Variants in PM20D1 observed in about 807,000 individuals in gnomAD.
PM20D1 encodes N-fatty-acyl-amino acid synthase/hydrolase PM20D1.
A neutral mutation model predicts 53.8 loss-of-function variants in PM20D1; 53 were observed. The ratio of observed to expected loss-of-function variants is 0.98; its 90% CI spans 0.79 to 1.24. PM20D1 has a LOEUF of 1.24. Ranked by LOEUF, PM20D1 falls within the 50% of genes most tolerant of loss-of-function variation. The probability of loss-of-function intolerance (pLI) is 0.00; values close to 1 mark genes in which losing one functional copy is unlikely to be tolerated. For missense variants in PM20D1, 564 were observed against 616.8 expected (o/e 0.91, Z 0.91); for synonymous variants, 239 against 241.3 (o/e 0.99, Z 0.09).
intron 11 of PM20D1, among the ~76,000 whole-genome samples, chr1:205,831,743 T>C (rs1017719934): frequency 5.9e-5 from 9 of 152,024 alleles, no homozygotes; most frequent in African/African-American, 2.2e-4. Context: ...TTTGTATTTT[T>C]AGTAGAGACG....
intron 2 of PM20D1, among the ~76,000 whole-genome samples, chr1:205,846,820 A>G (rs1032640168): frequency 1.3e-5 from 2 of 152,010 alleles, no homozygotes; most frequent in African/African-American, 4.8e-5. Flanking sequence ...TGGATACCCG[A>G]AAACCGAAGA....
chr1:205,844,865 G>C lies in PM20D1; in HGVS notation c.522C>G (p.Ile174Met). ...ALLQALELLL[I>M]RKYIPRRSFF... The stretch of plus-strand genomic sequence containing the variant: ...AAGATCTTCGGGGGATGTACTTCCT[G>C]ATCAGCAGGAGCTCCAAGGCCTGCA... The change falls in exon 4 of 13, where the codon ATC (isoleucine) becomes ATG (methionine). Residue 174 changes from isoleucine (I) to methionine (M), a missense_variant. Ile to Met is a conservative substitution (Grantham distance 10, BLOSUM62 1). Transcript: ENST00000367136. 3 of 1,613,942 alleles carry C rather than the reference G, an allele frequency of 1.9e-6. No individual in the cohort carries two copies. The highest frequency in any genetic ancestry group is 2.5e-6 in the Non-Finnish European group (3 of 1,179,994).
At chr1:205,841,700 G>A in intron 9 of PM20D1, 111 bp downstream of exon 9, 1 of 1,138,392 alleles carries the variant, frequency 8.8e-7, no homozygotes, top group Non-Finnish European at 1.3e-6. Flanking sequence ...GGCTAGGCTT[G>A]GATCCAGCTG....
intron 2 of PM20D1, among the ~76,000 whole-genome samples, chr1:205,846,205 G>C (rs938219293): frequency 6.6e-6 from 1 of 152,118 alleles, no homozygotes; most frequent in Non-Finnish European, 1.5e-5. Flanking sequence ...GGCCCACATG[G>C]TGAAACCCCG....
chr1:205,839,106 G>A (rs1656748188), intron 10 of PM20D1, among the ~76,000 whole-genome samples: 1 of 152,174 alleles, frequency 6.6e-6, no homozygotes, highest in Admixed American at 6.5e-5. Flanking sequence ...TCACAGATTA[G>A]GGCCCAAACT....
intron 10 of PM20D1, among the ~76,000 whole-genome samples, chr1:205,835,081 C>T (rs977964552): frequency 6.6e-6 from 1 of 152,170 alleles, no homozygotes; most frequent in African/African-American, 2.4e-5. Context: ...AGGAATAATG[C>T]TTTACTGCTT....
intron 2 of PM20D1, among the ~76,000 whole-genome samples, chr1:205,846,236 A>T (rs1213794349): frequency 6.6e-6 from 1 of 152,082 alleles, no homozygotes; most frequent in African/African-American, 2.4e-5. Flanking sequence ...AAATACAAAA[A>T]ACAGCTGGGC....
intron 12 of PM20D1, among the ~76,000 whole-genome samples, chr1:205,828,969 ACTC>A (rs1656500564): frequency 6.6e-6 from 1 of 152,038 alleles, no homozygotes; most frequent in African/African-American, 2.4e-5. Context: ...TGTGGAATAA[ACTC>A]CTGGGGAGTC....
At position 205,832,661 on chromosome 1, in the gene PM20D1, CCAAG is replaced by C; in HGVS notation, c.1218_1221del (p.Leu407AlafsTer72). On this transcript the variant is annotated frameshift_variant, in exon 11 of 13. Transcript: ENST00000367136. LOFTEE classifies it high-confidence loss of function. ...ACGGTCTGGCGGAGCAGCTGGTAGC[CCAAG>C]GCCTTGTCATCAGAAGGGCTGACGG... 2 of 1,614,090 alleles carry C rather than the reference CCAAG, an allele frequency of 1.2e-6. No individual in the cohort carries two copies. Among genetic ancestry groups the C allele is most frequent in the Non-Finnish European group, 1.7e-6 (2 of 1,180,012 alleles).
chr1:205,840,714 C>G (rs890471033), intron 9 of PM20D1, among the ~76,000 whole-genome samples: 1 of 152,192 alleles, frequency 6.6e-6, no homozygotes, highest in African/African-American at 2.4e-5. Context: ...AGTGCTTACT[C>G]ACGATGGGGC....
At chr1:205,830,859 T>A (rs1772143) in intron 11 of PM20D1, among the ~76,000 whole-genome samples, 41,416 of 150,288 alleles carry the variant, frequency 0.28, 7,455 homozygotes, top group Non-Finnish European at 0.4. Flanking sequence ...GGGTGGCCAG[T>A]ATCTTCATTT....
Position 205,844,172 on chromosome 1 carries a change from T to C in PM20D1, c.622A>G (p.Arg208Gly). Residue 208 changes from arginine to glycine, a missense_variant, in exon 5 of 13, where the codon AGG (arginine) becomes GGG (glycine). Transcript: ENST00000367136. Reference sequence around the variant, plus strand: ...ACAATGAAGGCTAGCTGGACGCCCCTTGACTGTAGCAGGGCTGAGATCCTC... The same window carrying C: ...ACAATGAAGGCTAGCTGGACGCCCCCTGACTGTAGCAGGGCTGAGATCCTC... ...AQRISALLQS[R>G]GVQLAFIVDE... is the part of the protein sequence containing the mutation. The C allele has an allele frequency of 6.2e-7, 1 of 1,613,988 alleles. No homozygotes were observed. The highest frequency in any genetic ancestry group is 8.5e-7 in the Non-Finnish European group (1 of 1,179,932).
At chr1:205,836,927 T>A (rs1450877228) in intron 10 of PM20D1, among the ~76,000 whole-genome samples, 1 of 152,230 alleles carries the variant, frequency 6.6e-6, no homozygotes, top group African/African-American at 2.4e-5. Context: ...CTTCCCACTT[T>A]GTGCTCTTGC....
chr1:205,831,566 CTTTT>C (rs35289636), intron 11 of PM20D1, among the ~76,000 whole-genome samples: 6 of 127,850 alleles, frequency 4.7e-5, no homozygotes, highest in Non-Finnish European at 6.8e-5. Context: ...CGTCTCTCTC[CTTTT>C]TTTTTTTTTT....
intron 8 of PM20D1, 114 bp from the exon 9 acceptor site, chr1:205,842,003 T>C: frequency 8.2e-7 from 1 of 1,214,590 alleles, no homozygotes; most frequent in Non-Finnish European, 1.2e-6. Flanking sequence ...GAGAGAGACG[T>C]CTTAGAGATG....
chr1:205,839,910 CAAAAAAAAAA>C (rs567749262), intron 10 of PM20D1, among the ~76,000 whole-genome samples: 8 of 58,090 alleles, frequency 1.4e-4, no homozygotes, highest in East Asian at 2.1e-3. Context: ...GACTCTGACT[CAAAAAAAAAA>C]AAAAAAAAAA....
At chr1:205,830,409 C>CT in intron 11 of PM20D1, 30 bp from the exon 12 acceptor site, 1 of 1,503,876 alleles carries the variant, frequency 6.6e-7, no homozygotes. Flanking sequence ...AGGAAAGGGG[C>CT]TTTACATGAG....
At chr1:205,828,801 G>A in intron 12 of PM20D1, 58 bp from the exon 13 acceptor site, 1 of 1,602,204 alleles carries the variant, frequency 6.2e-7, no homozygotes, top group East Asian at 2.2e-5. Context: ...CACAGCACAA[G>A]TGTTATCACA....
In PM20D1 at chr1:205,849,953, A is replaced by G. The variant is rs756286412; in HGVS notation, c.120T>C (p.Pro40=). 5 of 1,613,856 alleles carry G rather than the reference A, an allele frequency of 3.1e-6. No individual in the cohort carries two copies. In the African/African-American group the frequency reaches 6.7e-5, roughly 22 times the overall value. ...CGCGTTCCTCTTTGCTGAACTGAGA[A>G]GGGATTCGCGACGCCCTTTGATGCT... ...SGEHQRASRI[P]SQFSKEERVA... Residue 40 remains proline, a synonymous_variant, in exon 1 of 13, where the codon CCT becomes CCC. Transcript: ENST00000367136.
Sources: gnomAD v4.1 joint callset for allele counts (sites outside exome capture counted in the v4.1 genomes callset) on GRCh38, gnomAD v4.1.1 for gene constraint, MANE v1.5 for transcripts, NCBI Gene and HGNC (gene_info 2026-07-23, HGNC 2026-07-21) for gene names.